Variants in ADCY9 observed in about 807,000 individuals in gnomAD.
ADCY9 encodes the protein adenylate cyclase type 9.
A neutral mutation model predicts 101.5 loss-of-function variants in ADCY9; 50 were observed. That is an observed-to-expected ratio of 0.49 (90% CI 0.39 to 0.62). The LOEUF (loss-of-function observed/expected upper bound fraction) is 0.62. Among genes scored for constraint, ADCY9 ranks in the 20% least tolerant of loss-of-function variants. The pLI is 0.00. For missense variants in ADCY9, 1,662 were observed against 1,800.4 expected (o/e 0.92, Z 1.39); for synonymous variants, 905 against 769.3 (o/e 1.18, Z -2.92).
At chr16:3,993,709 G>A (rs756504758) in intron 3 of ADCY9, among the ~76,000 whole-genome samples, 199 bp from the exon 4 acceptor site, 11 of 152,246 alleles carry the variant, frequency 7.2e-5, no homozygotes, top group Non-Finnish European at 1.5e-4. Flanking sequence ...GGGCACGAAC[G>A]CAACAGGACC....
chr16:4,068,862 G>A (rs2056816454), intron 2 of ADCY9, among the ~76,000 whole-genome samples: 1 of 151,388 alleles, frequency 6.6e-6, no homozygotes, highest in African/African-American at 2.4e-5. Flanking sequence ...GCACATATGG[G>A]TACACGCAGA....
chr16:4,075,561 G>A (rs553346248), intron 2 of ADCY9, among the ~76,000 whole-genome samples: 4 of 152,310 alleles, frequency 2.6e-5, no homozygotes, highest in East Asian at 1.9e-4. Flanking sequence ...AAATGTACCC[G>A]GTCCCATGTG....
chr16:4,115,145 G>T lies in ADCY9; in HGVS notation c.298C>A (p.Leu100Met). 3 of 1,613,846 alleles carry T rather than the reference G, an allele frequency of 1.9e-6. No individual in the cohort carries two copies. Among genetic ancestry groups the T allele is most frequent in the Non-Finnish European group, 2.5e-6 (3 of 1,180,026 alleles). ...CAGCGCTCCAGGCAGGCCTCCTCCAGGTTCACCGAGTCGAACTTGGGGTCC... is the reference window on the plus strand; with the variant it reads ...CAGCGCTCCAGGCAGGCCTCCTCCATGTTCACCGAGTCGAACTTGGGGTCC... The part of the protein sequence containing the change: ...WWDPKFDSVN[L>M]EEACLERCFP... Residue 100 changes from leucine (L) to methionine (M), a missense_variant, in exon 2 of 11, where the codon CTG becomes ATG. Coordinates refer to ENST00000294016, the MANE Select transcript of ADCY9 (RefSeq NM_001116.4). The surrounding 1 kb of genome is among the most constrained non-coding windows in gnomAD (Gnocchi z 6.2).
intron 2 of ADCY9, among the ~76,000 whole-genome samples, chr16:4,085,518 G>C (rs1367841812): frequency 6.6e-6 from 1 of 152,138 alleles, no homozygotes; most frequent in Non-Finnish European, 1.5e-5. Flanking sequence ...CTCCTGGTCA[G>C]AGCAGGGAGG....
chr16:4,025,636 T>C (rs2056509824), intron 2 of ADCY9, among the ~76,000 whole-genome samples: 2 of 152,140 alleles, frequency 1.3e-5, no homozygotes, highest in Admixed American at 1.3e-4. Flanking sequence ...CCCGGGGGTG[T>C]GGCAGGGCGG....
intron 2 of ADCY9, among the ~76,000 whole-genome samples, chr16:4,026,615 A>C (rs1336670093): frequency 6.6e-6 from 1 of 152,168 alleles, no homozygotes; most frequent in Non-Finnish European, 1.5e-5. Flanking sequence ...GGATGAATGG[A>C]TAAACACACT....
At chr16:3,983,176 G>A (rs1006250050) in intron 7 of ADCY9, 56 bp downstream of exon 7, 1 of 1,468,272 alleles carries the variant, frequency 6.8e-7, no homozygotes, top group Non-Finnish European at 9.2e-7. Context: ...AAGCCATGGA[G>A]CCAGAAGAGG....
chr16:4,042,799 T>G (rs2056636128), intron 2 of ADCY9, among the ~76,000 whole-genome samples: 1 of 152,234 alleles, frequency 6.6e-6, no homozygotes. Context: ...GATGTGACTT[T>G]ACCTATAAAA....
At chr16:4,008,004 T>C (rs142436065) in intron 2 of ADCY9, among the ~76,000 whole-genome samples, 45 of 152,118 alleles carry the variant, frequency 3.0e-4, no homozygotes, top group Admixed American at 2.0e-4. Context: ...GTACTGACCA[T>C]CTTACCTGTG....
chr16:4,056,747 A>G (rs140733622), intron 2 of ADCY9, among the ~76,000 whole-genome samples: 2 of 152,352 alleles, frequency 1.3e-5, no homozygotes, highest in African/African-American at 4.8e-5. Flanking sequence ...CCTAGTGCAT[A>G]GTAAGACTTC....
intron 2 of ADCY9, among the ~76,000 whole-genome samples, chr16:4,078,822 T>C (rs561861935): frequency 1.3e-4 from 20 of 152,118 alleles, no homozygotes; most frequent in African/African-American, 4.8e-4. Flanking sequence ...CTTACATAAA[T>C]AAAGAACTTT....
At chr16:3,972,379 GCCA>G (rs2056060059) in intron 10 of ADCY9, among the ~76,000 whole-genome samples, 1 of 151,732 alleles carries the variant, frequency 6.6e-6, no homozygotes, top group Non-Finnish European at 1.5e-5. Context: ...ACAGGTGCCC[GCCA>G]CCACGTCCAG....
chr16:3,958,673 C>CTATT (rs1555504687), downstream of ADCY9, among the ~76,000 whole-genome samples: 2 of 102,998 alleles, frequency 1.9e-5, no homozygotes, highest in African/African-American at 7.7e-5. Context: ...TCGTCGGTTA[C>CTATT]TTTTTTTTTT....
rs374687171 is a variant in ADCY9, at chr16:4,035,420, T to C, written c.1694-27862A>G. 6.6e-4 allele frequency among the ~76,000 whole-genome samples: 101 copies of C among 152,292 alleles called. 1 individual carries two copies. The highest frequency in any genetic ancestry group is 2.3e-3 in the African/African-American group (95 of 41,560). On this transcript the variant is annotated intron_variant, in intron 2 of 10. Transcript: ENST00000294016. ...AATATTATGAGTCATTACTCTGAAA[T>C]GGATTAAAGTTAATATAAGTGTAAT...
chr16:3,994,533 G>T (rs1230189716), intron 3 of ADCY9, among the ~76,000 whole-genome samples: 1 of 152,192 alleles, frequency 6.6e-6, no homozygotes, highest in African/African-American at 2.4e-5. Context: ...TTGGCTCACT[G>T]CAACGTCCAC....
At chr16:3,956,488 C>CTTT (rs1555504577) in intron 5 of ADCY9, among the ~76,000 whole-genome samples, 744 of 68,822 alleles carry the variant, frequency 0.011, 40 homozygotes, top group East Asian at 0.073. Flanking sequence ...GCGCAATGAG[C>CTTT]TTTTTTTTTT....
chr16:3,956,784 C>T (rs931679112), intron 5 of ADCY9, among the ~76,000 whole-genome samples: 1 of 152,040 alleles, frequency 6.6e-6, no homozygotes, highest in South Asian at 2.1e-4. Flanking sequence ...CGTGAGCCAC[C>T]GTGCCCGGCC....
chr16:4,072,569 A>T (rs963568413), intron 2 of ADCY9, among the ~76,000 whole-genome samples: 1 of 152,208 alleles, frequency 6.6e-6, no homozygotes, highest in Non-Finnish European at 1.5e-5. Context: ...CAGAAGCTTG[A>T]GAACAGACAT....
In ADCY9 at chr16:3,956,503, T is replaced by TTTTTTTTGGG. The variant is rs55792938; in HGVS notation, c.568-2988_568-2987insCCCAAAAAAA. Among the ~76,000 whole-genome samples, 3 of 69,494 alleles carry TTTTTTTTGGG rather than the reference T, an allele frequency of 4.3e-5. 1 individual carries two copies. Among genetic ancestry groups the TTTTTTTTGGG allele is most frequent in the African/African-American group, 1.2e-4 (3 of 24,702 alleles). 45.6% of individuals were successfully genotyped at this position (69,494 alleles called of 152,430 possible). A position where few individuals can be genotyped will look rare whatever the true frequency, so the allele number is the denominator to read the frequency against. On this transcript the variant is annotated intron_variant, in intron 5 of 5. Transcript: ENST00000576936. Reference sequence around the variant, plus strand: ...GCGCAATGAGCTTTTTTTTTTTTTTTGGGGGGGGATGGAGTCTCCCTCTGT... The same window carrying TTTTTTTTGGG: ...GCGCAATGAGCTTTTTTTTTTTTTTTTTTTTTTGGGGGGGGGGGATGGAGTCTCCCTCTGT...
Sources: allele counts gnomAD v4.1 joint callset (sites outside exome capture counted in the v4.1 genomes callset), GRCh38; gene constraint gnomAD v4.1.1; non-coding constraint Gnocchi (gnomAD v3.1); transcripts MANE v1.5; gene names NCBI Gene and HGNC (gene_info 2026-07-23, HGNC 2026-07-21).